PPP2R2C: variants seen among roughly 807,000 people sequenced by gnomAD.
The protein encoded by PPP2R2C is protein phosphatase 2, regulatory subunit B, gamma.
In PPP2R2C, 10 loss-of-function variants were observed where a neutral mutation model predicts 45.3. That is an observed-to-expected ratio of 0.22 (90% confidence interval 0.14 to 0.37). The LOEUF is 0.37. Among genes scored for constraint, PPP2R2C ranks in the 10% least tolerant of loss-of-function variants. PPP2R2C has a pLI of 1.00. For synonymous variants in PPP2R2C, 257 were observed against 245.4 expected, an observed-to-expected ratio of 1.05 and a Z score of -0.44; for missense variants, 308 against 619.7, an observed-to-expected ratio of 0.50 and a Z score of 5.34.
At chr4:6,468,929 C>T (rs2108766875) in intron 1 of PPP2R2C, among the ~76,000 whole-genome samples, 1 of 151,700 alleles carries the variant, frequency 6.6e-6, no homozygotes, top group East Asian at 1.9e-4. Context: ...GGCCCAGTGC[C>T]CTATCAGCTG....
chr4:6,473,960 C>A (rs1356043965), upstream of PPP2R2C, among the ~76,000 whole-genome samples: 2 of 152,224 alleles, frequency 1.3e-5, no homozygotes, highest in Admixed American at 6.5e-5. Context: ...GGGGCCCTGC[C>A]AGCACCTGCT....
At chr4:6,526,387 G>A (rs1344588797) in intron 2 of PPP2R2C, among the ~76,000 whole-genome samples, 7 of 152,306 alleles carry the variant, frequency 4.6e-5, no homozygotes, top group Middle Eastern at 3.4e-3. Flanking sequence ...AGCTCTCGGC[G>A]CTCAGTGTGT....
chr4:6,512,383 GTGGTGATGGTGGTGGTGGTGA>G (rs1723647073), intron 2 of PPP2R2C, among the ~76,000 whole-genome samples: 1 of 47,628 alleles, frequency 2.1e-5, no homozygotes. Flanking sequence ...GGTGGTGGTG[GTGGTGATGGTGGTGGTGGTGA>G]TGGTGGTGGT....
chr4:6,344,505 C>T (rs1210320614), intron 6 of PPP2R2C, among the ~76,000 whole-genome samples: 3 of 152,264 alleles, frequency 2.0e-5, no homozygotes, highest in East Asian at 3.9e-4. Context: ...CTGACTGCCC[C>T]CTCTAGCCCA....
intron 1 of PPP2R2C, among the ~76,000 whole-genome samples, chr4:6,436,724 G>A (rs917224786): frequency 3.3e-5 from 5 of 152,142 alleles, no homozygotes; most frequent in Admixed American, 2.0e-4. Context: ...CTCAACTACC[G>A]TCACAACTAC....
rs1319170672 is a variant in PPP2R2C, at chr4:6,332,588, G to A, written c.960+974C>T. On this transcript the variant is annotated intron_variant, in intron 7 of 8. Coordinates refer to ENST00000382599, the MANE Select transcript of PPP2R2C (RefSeq NM_020416.4). The surrounding 1 kb of genome is among the most constrained non-coding windows in gnomAD (Gnocchi z 4.9). ...ACGCTTTCCTACTAGGTCTTCGCAC[G>A]GAGGAAAGGAAAGCGTAGGGCTCTG... 6.6e-6 allele frequency among the ~76,000 whole-genome samples: 1 copy of A among 152,162 alleles called. No individual in the cohort carries two copies. Among genetic ancestry groups the A allele is most frequent in the Non-Finnish European group, 1.5e-5 (1 of 68,024 alleles).
intron 2 of PPP2R2C, among the ~76,000 whole-genome samples, chr4:6,380,620 C>A (rs1218059091): frequency 2.6e-5 from 4 of 152,190 alleles, no homozygotes; most frequent in African/African-American, 9.7e-5. Context: ...CCTGACCATT[C>A]ATCCAGGGTC....
intron 2 of PPP2R2C, among the ~76,000 whole-genome samples, chr4:6,511,636 GTGTTGA>G (rs1323886625): frequency 5.8e-5 from 4 of 69,008 alleles, no homozygotes; most frequent in Non-Finnish European, 8.4e-5. Flanking sequence ...GGTGGTGGTG[GTGTTGA>G]TGGTGGTGGT....
chr4:6,524,072 C>T (rs1560601988), intron 2 of PPP2R2C, among the ~76,000 whole-genome samples: 1 of 149,192 alleles, frequency 6.7e-6, no homozygotes, highest in Non-Finnish European at 1.5e-5. Flanking sequence ...TGCCACCAGG[C>T]CTGGCTAATT....
intron 2 of PPP2R2C, among the ~76,000 whole-genome samples, chr4:6,516,765 G>C (rs1455539915): frequency 6.6e-6 from 1 of 152,178 alleles, no homozygotes; most frequent in Admixed American, 6.5e-5. Context: ...TGATCATAAG[G>C]GATCCTGTTT....
chr4:6,533,749 G>T (rs1724484814), intron 2 of PPP2R2C, among the ~76,000 whole-genome samples: 1 of 152,088 alleles, frequency 6.6e-6, no homozygotes, highest in Non-Finnish European at 1.5e-5. Flanking sequence ...AGCACACCAG[G>T]AAACACTCTA....
intron 1 of PPP2R2C, among the ~76,000 whole-genome samples, chr4:6,411,155 G>A (rs1718165680): frequency 6.6e-6 from 1 of 152,104 alleles, no homozygotes; most frequent in Non-Finnish European, 1.5e-5. Flanking sequence ...ACAGGTGTGA[G>A]CCACCAGTAC....
In PPP2R2C at chr4:6,378,093, G is replaced by A. The variant is rs537085101; in HGVS notation, c.334+314C>T. Among the ~76,000 whole-genome samples, 2 of 152,012 alleles carry A rather than the reference G, an allele frequency of 1.3e-5. No individual in the cohort carries two copies. The highest frequency in any genetic ancestry group is 2.4e-5 in the African/African-American group (1 of 41,392). ...AAGCAAAGGCCTACAAAGATGGCTC[G>A]GATGGCTCTATTCACAGCAGGGGGC... On this transcript the variant is annotated intron_variant, in intron 3 of 8. Transcript: ENST00000382599. The surrounding 1 kb of genome is among the most constrained non-coding windows in gnomAD (Gnocchi z 5.2).
Position 6,331,921 on chromosome 4 carries a change from C to A in PPP2R2C, c.960+1641G>T, listed in dbSNP as rs934061704. On this transcript the variant is annotated intron_variant, in intron 7 of 8. Transcript: ENST00000382599. This position sits in a 1 kb window ranked among gnomAD's most constrained non-coding sequence, Gnocchi z 5.9. ...ACAATTTCTAGCACATCACAAGCCA[C>A]CAAAAAATGTTGGTTGTTGTGCTGC... 6.6e-6 allele frequency among the ~76,000 whole-genome samples: 1 copy of A among 152,182 alleles called. No homozygotes were observed.
intron 1 of PPP2R2C, among the ~76,000 whole-genome samples, chr4:6,425,037 T>C (rs59350318): frequency 0.26 from 39,646 of 151,886 alleles, 5,743 homozygotes; most frequent in Admixed American, 0.42. Flanking sequence ...GGCAAAGAGC[T>C]TAGCACGTGC....
chr4:6,342,713 T>C lies in PPP2R2C; in HGVS notation c.790+5133A>G, dbSNP rs73795984. Among the ~76,000 whole-genome samples, 740 of 152,320 alleles carry C rather than the reference T, an allele frequency of 4.9e-3. 4 individuals carry two copies. The highest frequency in any genetic ancestry group is 0.016 in the African/African-American group (647 of 41,566). Reference sequence around the variant, plus strand: ...GTCTATTTTGAGGACTCATGTACGGTTGTTTCCACGGTTACCCTGTCACAC... The same window carrying C: ...GTCTATTTTGAGGACTCATGTACGGCTGTTTCCACGGTTACCCTGTCACAC... On this transcript the variant is annotated intron_variant, in intron 6 of 8. Coordinates refer to ENST00000382599, the MANE Select transcript of PPP2R2C (RefSeq NM_020416.4).
intron 2 of PPP2R2C, among the ~76,000 whole-genome samples, chr4:6,489,208 T>C (rs73207876): frequency 0.13 from 19,659 of 152,244 alleles, 1,462 homozygotes; most frequent in Non-Finnish European, 0.17. Context: ...CCTTGTTTAT[T>C]TCCCATCATT....
rs1265181249 is a variant in PPP2R2C at position 6,364,766 on chromosome 4, C to T, written c.625+7757G>A. ...CAAGGTCTGAGCCCTGGCAGTCTGGCTCCTAGACCTAAGAAGGGAGGCCAG... is the reference window on the plus strand; with the variant it reads ...CAAGGTCTGAGCCCTGGCAGTCTGGTTCCTAGACCTAAGAAGGGAGGCCAG... On this transcript the variant is annotated intron_variant, in intron 5 of 8. Coordinates refer to ENST00000382599, the MANE Select transcript of PPP2R2C (RefSeq NM_020416.4). This position sits in a 1 kb window ranked among gnomAD's most constrained non-coding sequence, Gnocchi z 5.3. Among the ~76,000 whole-genome samples the T allele has an allele frequency of 1.3e-5, 2 of 152,134 alleles. No homozygotes were observed. Among genetic ancestry groups the T allele is most frequent in the East Asian group, 3.9e-4 (2 of 5,184 alleles).
intron 2 of PPP2R2C, among the ~76,000 whole-genome samples, chr4:6,500,172 A>C (rs778664704): frequency 2.6e-5 from 4 of 152,170 alleles, no homozygotes; most frequent in Non-Finnish European, 4.4e-5. Context: ...TTTGAGACAG[A>C]GTCTCACTCT....
Sources: gnomAD v4.1 joint callset for allele counts (sites outside exome capture counted in the v4.1 genomes callset) on GRCh38, gnomAD v4.1.1 for gene constraint, Gnocchi (gnomAD v3.1) non-coding constraint, MANE v1.5 for transcripts, NCBI Gene and HGNC (gene_info 2026-07-23, HGNC 2026-07-21) for gene names.